SLC39A11: variants seen among roughly 807,000 people sequenced by gnomAD.
SLC39A11 encodes solute carrier family 39 member 11.
A neutral mutation model predicts 36.1 loss-of-function variants in SLC39A11; 33 were observed. That is an observed-to-expected ratio of 0.91 (90% CI 0.69 to 1.22). SLC39A11 has a LOEUF of 1.22. Among genes scored for constraint, SLC39A11 ranks in the 50% most tolerant of loss-of-function variants. SLC39A11 has a pLI of 0.00. For synonymous variants in SLC39A11, 166 were observed against 170.3 expected, an observed-to-expected ratio of 0.97 and a Z score of 0.20; for missense variants, 432 against 430.3, an observed-to-expected ratio of 1.00 and a Z score of -0.03.
intron 4 of SLC39A11, among the ~76,000 whole-genome samples, chr17:72,986,214 A>G (rs1045946602): frequency 2.0e-5 from 3 of 152,188 alleles, no homozygotes; most frequent in Admixed American, 6.5e-5. Context: ...CTCCCCAGTA[A>G]GACTCCAGGG....
At chr17:72,677,749 CA>C (rs1294642006) in intron 7 of SLC39A11, among the ~76,000 whole-genome samples, 2 of 152,134 alleles carry the variant, frequency 1.3e-5, no homozygotes, top group African/African-American at 4.8e-5. Flanking sequence ...AAGACTCCCT[CA>C]ATTTTGGTCC....
chr17:72,653,414 GT>G (rs2069952027), intron 7 of SLC39A11, among the ~76,000 whole-genome samples: 1 of 140,358 alleles, frequency 7.1e-6, no homozygotes, highest in African/African-American at 2.6e-5. Flanking sequence ...CTTTTTTTTT[GT>G]TTTGGTTTTT....
chr17:72,875,394 CCTTT>C (rs1187202090), intron 5 of SLC39A11, among the ~76,000 whole-genome samples: 10 of 152,256 alleles, frequency 6.6e-5, no homozygotes, highest in African/African-American at 2.4e-4. Context: ...GTGACAGCCA[CCTTT>C]CTGAACACAG....
At chr17:72,747,392 T>C (rs1308049149) in intron 6 of SLC39A11, among the ~76,000 whole-genome samples, 3 of 152,190 alleles carry the variant, frequency 2.0e-5, no homozygotes, top group Non-Finnish European at 2.9e-5. Context: ...CCTCAGGTGA[T>C]CTGCCCACCT....
chr17:72,742,506 T>G (rs1294068181), intron 6 of SLC39A11, among the ~76,000 whole-genome samples: 1 of 151,924 alleles, frequency 6.6e-6, no homozygotes, highest in Non-Finnish European at 1.5e-5. Flanking sequence ...TAACGGTGGG[T>G]CTGCAAGGCA....
At chr17:72,749,291 G>A (rs59019276) in intron 6 of SLC39A11, among the ~76,000 whole-genome samples, 17,704 of 152,140 alleles carry the variant, frequency 0.12, 1,553 homozygotes, top group African/African-American at 0.25. Flanking sequence ...CTTGCAACCC[G>A]GTAGCAAAGT....
At chr17:72,832,042 T>C (rs1444093098) in intron 6 of SLC39A11, among the ~76,000 whole-genome samples, 1 of 152,218 alleles carries the variant, frequency 6.6e-6, no homozygotes, top group Non-Finnish European at 1.5e-5. Flanking sequence ...CTGCAAGATG[T>C]TGGCATATGA....
rs767648932 is a variant in SLC39A11 at position 73,022,933 on chromosome 17, C to T, written c.306+8623G>A. 1.2e-4 allele frequency among the ~76,000 whole-genome samples: 19 copies of T among 152,012 alleles called. 1 individual carries two copies. Among genetic ancestry groups the T allele is most frequent in the Non-Finnish European group, 2.5e-4 (17 of 67,990 alleles). ...CCTGTTTCACAAAGAAAAAAAAAAA[C>T]TCAGTTTTCCTTTGCCAGTGAACCC... On this transcript the variant is annotated intron_variant, in intron 4 of 9. Coordinates refer to ENST00000255559, the MANE Select transcript of SLC39A11 (RefSeq NM_139177.4).
At chr17:72,985,572 C>T (rs369663957) in intron 4 of SLC39A11, among the ~76,000 whole-genome samples, 1 of 152,038 alleles carries the variant, frequency 6.6e-6, no homozygotes, top group African/African-American at 2.4e-5. Flanking sequence ...ACCACAACAC[C>T]GAGCTAATTT....
intron 6 of SLC39A11, among the ~76,000 whole-genome samples, chr17:72,781,637 T>C (rs1161558883): frequency 6.6e-6 from 1 of 152,048 alleles, no homozygotes; most frequent in African/African-American, 2.4e-5. Flanking sequence ...GTTAACCACG[T>C]CTTGGTCTCC....
chr17:72,858,389 T>C (rs2079772621), intron 5 of SLC39A11, among the ~76,000 whole-genome samples: 1 of 152,260 alleles, frequency 6.6e-6, no homozygotes, highest in Admixed American at 6.5e-5. Flanking sequence ...TCCTATGGTA[T>C]AGTTTGAAGT....
chr17:73,074,920 T>C (rs2060273773), intron 3 of SLC39A11, among the ~76,000 whole-genome samples: 1 of 152,218 alleles, frequency 6.6e-6, no homozygotes, highest in Non-Finnish European at 1.5e-5. Flanking sequence ...TTCATGATCC[T>C]ATTATTCCTT....
chr17:72,832,407 C>G (rs1005743286), intron 6 of SLC39A11, among the ~76,000 whole-genome samples: 3 of 152,230 alleles, frequency 2.0e-5, no homozygotes, highest in African/African-American at 7.2e-5. Context: ...CTATCCTCTC[C>G]CAAACCGCCA....
At chr17:73,013,859 T>C (rs2090662187) in intron 4 of SLC39A11, among the ~76,000 whole-genome samples, 1 of 151,880 alleles carries the variant, frequency 6.6e-6, no homozygotes, top group South Asian at 2.1e-4. Context: ...TCAGAGGAGA[T>C]GAGGAGGAAA....
At chr17:72,817,067 G>C (rs974299380) in intron 6 of SLC39A11, among the ~76,000 whole-genome samples, 3 of 151,052 alleles carry the variant, frequency 2.0e-5, no homozygotes, top group African/African-American at 7.3e-5. Flanking sequence ...AATAAGAACA[G>C]GTTGTGTCTC....
At chr17:72,771,057 CTT>C (rs4036978) in intron 6 of SLC39A11, among the ~76,000 whole-genome samples, 24,874 of 145,044 alleles carry the variant, frequency 0.17, 2,657 homozygotes, top group East Asian at 0.36. Flanking sequence ...CATTTCTATA[CTT>C]TTTTTTTTTT....
At chr17:72,686,346 C>T (rs1219275774) in intron 7 of SLC39A11, among the ~76,000 whole-genome samples, 1 of 152,202 alleles carries the variant, frequency 6.6e-6, no homozygotes, top group Admixed American at 6.5e-5. Context: ...AGGAGTCTTG[C>T]TATGTGGCGA....
intron 7 of SLC39A11, among the ~76,000 whole-genome samples, chr17:72,688,964 C>G (rs1055787253): frequency 2.0e-5 from 3 of 152,156 alleles, no homozygotes; most frequent in Non-Finnish European, 4.4e-5. Context: ...CTCTGGGTAC[C>G]TCTACTCCCC....
chr17:72,900,024 GA>G (rs2082248856), intron 5 of SLC39A11, among the ~76,000 whole-genome samples: 3 of 136,922 alleles, frequency 2.2e-5, no homozygotes, highest in African/African-American at 6.1e-5. Flanking sequence ...GAGAGAAAGA[GA>G]GAGAGAGAGA....
Sources: gnomAD v4.1 joint callset for allele counts (sites outside exome capture counted in the v4.1 genomes callset) on GRCh38, gnomAD v4.1.1 for gene constraint, MANE v1.5 for transcripts, NCBI Gene and HGNC (gene_info 2026-07-23, HGNC 2026-07-21) for gene names.